Variants in HTRA3 observed in about 807,000 individuals in gnomAD.
HTRA3 encodes HtrA serine peptidase 3.
In HTRA3, 41 loss-of-function variants were observed where a neutral mutation model predicts 43.2. The observed-to-expected ratio is 0.95, with a 90% CI of 0.74 to 1.23. The LOEUF is 1.23. Among genes scored for constraint, HTRA3 ranks in the 50% most tolerant of loss-of-function variants. HTRA3 has a pLI of 0.00. For synonymous variants in HTRA3, 295 were observed against 287.9 expected, an observed-to-expected ratio of 1.02 and a Z score of -0.25; for missense variants, 628 against 647.1, an observed-to-expected ratio of 0.97 and a Z score of 0.32.
In HTRA3 at chr4:8,296,767, A is replaced by G. The variant is rs1208105106; in HGVS notation, c.1051+2566A>G. Among the ~76,000 whole-genome samples the G allele has an allele frequency of 2.0e-5, 3 of 152,148 alleles. No homozygotes were observed. Among genetic ancestry groups the G allele is most frequent in the African/African-American group, 7.2e-5 (3 of 41,448 alleles). On this transcript the variant is annotated intron_variant, in intron 6 of 8. Coordinates refer to ENST00000307358, the MANE Select transcript of HTRA3 (RefSeq NM_053044.5). The surrounding 1 kb of genome is among the most constrained non-coding windows in gnomAD (Gnocchi z 5.3). ...GACTGTGGGGAACAGTGCAGTTCAT[A>G]GGTGGGAGACCTCTGGCCTGGGGGG...
intron 5 of HTRA3, among the ~76,000 whole-genome samples, chr4:8,293,453 G>A (rs1713320238): frequency 6.6e-6 from 1 of 152,170 alleles, no homozygotes. Context: ...AGGCCCCAGA[G>A]GGATCCCTGG....
Position 8,291,474 on chromosome 4 carries a change from G to A in HTRA3, c.813G>A (p.Thr271=), listed in dbSNP as rs147513061. ...SPFALQNTVT[T]GIVSTAQREG... ...TCGCCCTACAGAACACAGTGACAAC[G>A]GGCATCGTCAGCACTGCCCAGCGGG... The change falls in exon 4 of 9, where the codon ACG becomes ACA. Residue 271 remains threonine, a synonymous_variant. Transcript: ENST00000307358. 33 of 1,612,958 alleles carry A rather than the reference G, an allele frequency of 2.0e-5. 1 individual carries two copies. In the African/African-American group the frequency reaches 2.7e-4, roughly 13 times the overall value.
In HTRA3 at chr4:8,286,273, G is replaced by C. The variant is rs1440849257; in HGVS notation, c.486-288G>C. Among the ~76,000 whole-genome samples, 2 of 152,182 alleles carry C rather than the reference G, an allele frequency of 1.3e-5. No individual in the cohort carries two copies. The highest frequency in any genetic ancestry group is 4.8e-5 in the African/African-American group (2 of 41,444). Reference sequence around the variant, plus strand: ...CCGTGCTCCGTAGTCAGGATGGCGAGTGCAAGCTGGGAGTCATCTGACATG... The same window carrying C: ...CCGTGCTCCGTAGTCAGGATGGCGACTGCAAGCTGGGAGTCATCTGACATG... On this transcript the variant is annotated intron_variant, in intron 2 of 8. Coordinates refer to ENST00000307358, the MANE Select transcript of HTRA3 (RefSeq NM_053044.5). The surrounding 1 kb of genome is among the most constrained non-coding windows in gnomAD (Gnocchi z 4.9).
At chr4:8,275,325 C>T (rs1046488483) in intron 1 of HTRA3, among the ~76,000 whole-genome samples, 21 of 152,184 alleles carry the variant, frequency 1.4e-4, no homozygotes, top group South Asian at 2.1e-4. Context: ...TGGCGAGACC[C>T]GGACCCTCCC....
chr4:8,274,714 T>A (rs1006805879), intron 1 of HTRA3, among the ~76,000 whole-genome samples: 1 of 152,298 alleles, frequency 6.6e-6, no homozygotes, highest in Middle Eastern at 3.4e-3. Flanking sequence ...TCTGAGGGCC[T>A]GTGTGGAGAA....
Position 8,296,339 on chromosome 4 carries a change from A to G in HTRA3, c.1051+2138A>G. Reference sequence around the variant, plus strand: ...GTCCTCAGAGCTGTGTCCCCTCCCCAAGGACAGTGCAGACTAACTGAGGAG... The same window carrying G: ...GTCCTCAGAGCTGTGTCCCCTCCCCGAGGACAGTGCAGACTAACTGAGGAG... On this transcript the variant is annotated intron_variant, in intron 6 of 8. Coordinates refer to ENST00000307358, the MANE Select transcript of HTRA3 (RefSeq NM_053044.5). This position sits in a 1 kb window ranked among gnomAD's most constrained non-coding sequence, Gnocchi z 5.3. 1.0e-6 allele frequency: 1 copy of G among 985,432 alleles called. No individual in the cohort carries two copies. The allele number at this position is 985,432 out of a possible 1,614,324, so 61.0% of individuals were successfully genotyped here. A position where few individuals can be genotyped will look rare whatever the true frequency, so the allele number is the denominator to read the frequency against.
At chr4:8,293,006 A>G (rs1352797566) in intron 5 of HTRA3, among the ~76,000 whole-genome samples, 1 of 152,114 alleles carries the variant, frequency 6.6e-6, no homozygotes, top group Non-Finnish European at 1.5e-5. Flanking sequence ...ATCGAGATTG[A>G]GGAGGACTGG....
chr4:8,306,169 C>G lies in HTRA3; in HGVS notation c.*33C>G. On this transcript the variant is annotated 3_prime_UTR_variant, in exon 9 of 9. Coordinates refer to ENST00000307358, the MANE Select transcript of HTRA3 (RefSeq NM_053044.5). The surrounding 1 kb of genome is among the most constrained non-coding windows in gnomAD (Gnocchi z 8.9). ...ATTCCTCCAGCGCCAAGCGTCAGAG[C>G]CTGCAGACAACGGAGGGCAGCGCCC... 1 of 1,538,604 alleles carries G rather than the reference C, an allele frequency of 6.5e-7. No individual in the cohort carries two copies. The highest frequency in any genetic ancestry group is 8.8e-7 in the Non-Finnish European group (1 of 1,137,736).
intron 3 of HTRA3, among the ~76,000 whole-genome samples, chr4:8,287,356 A>G (rs1018332576): frequency 1.3e-5 from 2 of 152,210 alleles, no homozygotes; most frequent in African/African-American, 4.8e-5. Flanking sequence ...CCTGGGAGGA[A>G]AGGGCCTGTA....
At chr4:8,274,133 C>T (rs1007203656) in intron 1 of HTRA3, among the ~76,000 whole-genome samples, 3 of 152,196 alleles carry the variant, frequency 2.0e-5, no homozygotes, top group African/African-American at 4.8e-5. Flanking sequence ...CCACCTGGCC[C>T]GCATCACCCT....
chr4:8,283,106 G>C (rs73224094), intron 2 of HTRA3, among the ~76,000 whole-genome samples: 1 of 152,212 alleles, frequency 6.6e-6, no homozygotes, highest in South Asian at 2.1e-4. Flanking sequence ...GTGAGTGAAC[G>C]CACGAATCAG....
In HTRA3 at chr4:8,270,111, G is replaced by A. The variant is rs1476137082; in HGVS notation, c.143G>A (p.Cys48Tyr). The A allele has an allele frequency of 2.6e-6, 4 of 1,543,182 alleles. No homozygotes were observed. In the African/African-American group the frequency reaches 4.3e-5, roughly 16 times the overall value. The change falls in exon 1 of 9, where the codon TGC becomes TAC. Residue 48 changes from cysteine to tyrosine, a missense_variant. Coordinates refer to ENST00000307358, the MANE Select transcript of HTRA3 (RefSeq NM_053044.5). Reference sequence around the variant, plus strand: ...CCCGGCGGCTACGTGCCCGACCTCTGCAACTGCTGCCTGGTGTGCGCCGCC... The same window carrying A: ...CCCGGCGGCTACGTGCCCGACCTCTACAACTGCTGCCTGGTGTGCGCCGCC... Reference protein sequence around the residue: ...RCPGGYVPDLCNCCLVCAASE... With the variant: ...RCPGGYVPDLYNCCLVCAASE...
intron 8 of HTRA3, among the ~76,000 whole-genome samples, chr4:8,305,386 T>C (rs1471709775): frequency 6.6e-6 from 1 of 152,262 alleles, no homozygotes; most frequent in Non-Finnish European, 1.5e-5. Flanking sequence ...TGCAGGCTCC[T>C]GCCCTCACCC....
intron 3 of HTRA3, among the ~76,000 whole-genome samples, chr4:8,290,888 G>A (rs1713209183): frequency 6.6e-6 from 1 of 152,216 alleles, no homozygotes; most frequent in Non-Finnish European, 1.5e-5. Context: ...TGTCTCTACT[G>A]GGAGATGAGA....
rs751899474 is a variant in HTRA3 at position 8,302,454 on chromosome 4, C to A, written c.1052-9C>A. The A allele has an allele frequency of 1.2e-6, 2 of 1,614,082 alleles. No individual in the cohort carries two copies. The highest frequency in any genetic ancestry group is 3.3e-5 in the Admixed American group (2 of 60,024). ...GCCCTAACGGAGTCTCGCCGTGTTTCATTTCCAGACTGGAAGAAGCGCTTC... is the reference window on the plus strand; with the variant it reads ...GCCCTAACGGAGTCTCGCCGTGTTTAATTTCCAGACTGGAAGAAGCGCTTC... On this transcript the variant is annotated splice_polypyrimidine_tract_variant and intron_variant, in intron 6 of 8. Transcript: ENST00000307358.
At chr4:8,272,750 A>G (rs191317349) in intron 1 of HTRA3, among the ~76,000 whole-genome samples, 10 of 152,368 alleles carry the variant, frequency 6.6e-5, no homozygotes, top group South Asian at 2.1e-4. Context: ...GGGCATGGGC[A>G]AGGCAGAGAC....
intron 1 of HTRA3, among the ~76,000 whole-genome samples, chr4:8,278,656 C>T (rs1463634586): frequency 1.3e-5 from 2 of 152,150 alleles, no homozygotes; most frequent in Non-Finnish European, 2.9e-5. Flanking sequence ...ACCCCACCAC[C>T]CACCGAGGTC....
intron 1 of HTRA3, among the ~76,000 whole-genome samples, chr4:8,273,353 G>C (rs941823647): frequency 6.6e-6 from 1 of 152,178 alleles, no homozygotes; most frequent in African/African-American, 2.4e-5. Flanking sequence ...GTCACACTTA[G>C]TGGTGTGCCA....
chr4:8,276,197 A>G (rs996594829), intron 1 of HTRA3, among the ~76,000 whole-genome samples: 1 of 152,220 alleles, frequency 6.6e-6, no homozygotes, highest in Non-Finnish European at 1.5e-5. Context: ...TCTGTCCCTC[A>G]TGTCTGGCTG....
Sources: allele counts gnomAD v4.1 joint callset (sites outside exome capture counted in the v4.1 genomes callset), GRCh38; gene constraint gnomAD v4.1.1; non-coding constraint Gnocchi (gnomAD v3.1); transcripts MANE v1.5; gene names NCBI Gene and HGNC (gene_info 2026-07-23, HGNC 2026-07-21).